GRM8: variants seen among roughly 807,000 people sequenced by gnomAD.
The protein encoded by GRM8 is glutamate metabotropic receptor 8.
Under a neutral mutation model 87.2 loss-of-function variants are expected in GRM8, and 47 were observed. The observed-to-expected ratio is 0.54, with a 90% CI of 0.43 to 0.69. The LOEUF (loss-of-function observed/expected upper bound fraction) is 0.69, where lower values mean the gene tolerates loss of function less well. GRM8 is among the 30% of genes least tolerant of loss of function. The pLI is 0.00. For missense variants in GRM8, 1,019 were observed against 1,139.2 expected, an observed-to-expected ratio of 0.89 and a Z score of 1.52; for synonymous variants, 396 against 404.5, an observed-to-expected ratio of 0.98 and a Z score of 0.25.
chr7:126,792,029 GGT>G (rs1414297568), intron 6 of GRM8, among the ~76,000 whole-genome samples: 12 of 152,142 alleles, frequency 7.9e-5, no homozygotes, highest in African/African-American at 2.9e-4. Context: ...TAAGTGATAT[GGT>G]TTCAGAGTGG....
intron 7 of GRM8, among the ~76,000 whole-genome samples, chr7:126,637,483 TTAAA>T (rs915246613): frequency 3.3e-5 from 5 of 152,002 alleles, no homozygotes; most frequent in Admixed American, 6.6e-5. Flanking sequence ...AAAAAAGAAG[TTAAA>T]TAAATAAATA....
chr7:127,219,745 G>A (rs1333365264), intron 2 of GRM8: 1 of 152,134 alleles, frequency 6.6e-6, no homozygotes, highest in African/African-American at 2.4e-5. Context: ...AGAGTCCATT[G>A]CCATGCTAGC....
chr7:126,792,680 G>A lies in GRM8; in HGVS notation c.1157-22615C>T, dbSNP rs1026654273. ...AAAATAAAGCCATTGTTTTTCCAAT[G>A]AAAGAGAAAAAGGCCTCTGTGTAGG... On this transcript the variant is annotated intron_variant, in intron 6 of 10. Coordinates refer to ENST00000339582, the MANE Select transcript of GRM8 (RefSeq NM_000845.3). 2.0e-5 allele frequency among the ~76,000 whole-genome samples: 3 copies of A among 152,152 alleles called. 1 individual carries two copies. Among genetic ancestry groups the A allele is most frequent in the African/African-American group, 7.2e-5 (3 of 41,440 alleles).
chr7:127,190,957 C>T (rs1224900363), intron 2 of GRM8, among the ~76,000 whole-genome samples: 2 of 152,032 alleles, frequency 1.3e-5, no homozygotes, highest in Non-Finnish European at 2.9e-5. Flanking sequence ...AAGCTTTGAA[C>T]GTTTATGTAA....
chr7:126,720,082 C>T (rs1207980040), intron 7 of GRM8, among the ~76,000 whole-genome samples: 1 of 151,642 alleles, frequency 6.6e-6, no homozygotes, highest in Admixed American at 6.6e-5. Flanking sequence ...TGCTTCTTAC[C>T]TTCCTTTCTT....
At position 126,859,145 on chromosome 7, in the gene GRM8, T is replaced by C. The variant is rs555430245; in HGVS notation, c.1156+43397A>G. Among the ~76,000 whole-genome samples the C allele has an allele frequency of 1.9e-4, 29 of 148,858 alleles. 1 individual carries two copies. In the South Asian group the frequency reaches 6.2e-3, roughly 32 times the overall value. On this transcript the variant is annotated intron_variant, in intron 6 of 10. Coordinates refer to ENST00000339582, the MANE Select transcript of GRM8 (RefSeq NM_000845.3). ...CACCCCCAGTCCCCTGCCCCTGTAA[T>C]TTAAAATCTCCTTGCTGGTTTGTTT...
At chr7:127,064,846 T>C (rs557760684) in intron 3 of GRM8, among the ~76,000 whole-genome samples, 254 of 152,166 alleles carry the variant, frequency 1.7e-3, no homozygotes, top group Non-Finnish European at 2.1e-3. Flanking sequence ...AGAATGGCTA[T>C]TAATAAAAAG....
At chr7:127,241,647 G>A (rs944108176) in intron 2 of GRM8, among the ~76,000 whole-genome samples, 3 of 152,168 alleles carry the variant, frequency 2.0e-5, no homozygotes, top group African/African-American at 7.2e-5. Flanking sequence ...GTGTTAGCCA[G>A]GATGGTCTCA....
chr7:126,517,042 A>C (rs1244862521), intron 9 of GRM8, among the ~76,000 whole-genome samples: 4 of 152,112 alleles, frequency 2.6e-5, no homozygotes, highest in African/African-American at 9.7e-5. Flanking sequence ...ATTTTACTTT[A>C]AATACAAAAC....
At chr7:127,096,798 AG>A (rs758379278) in intron 3 of GRM8, among the ~76,000 whole-genome samples, 2 of 152,232 alleles carry the variant, frequency 1.3e-5, no homozygotes, top group Non-Finnish European at 2.9e-5. Flanking sequence ...CTAAGAGATT[AG>A]GGTTGGATGA....
chr7:126,878,227 A>G (rs1217208323), intron 6 of GRM8, among the ~76,000 whole-genome samples: 1 of 152,232 alleles, frequency 6.6e-6, no homozygotes, highest in African/African-American at 2.4e-5. Context: ...ATGGTCATTT[A>G]CAATTCACAA....
intron 6 of GRM8, among the ~76,000 whole-genome samples, chr7:126,844,979 A>C (rs916894786): frequency 6.6e-6 from 1 of 152,102 alleles, no homozygotes; most frequent in Non-Finnish European, 1.5e-5. Flanking sequence ...GCCTATCACA[A>C]ATAGTAAGTG....
chr7:127,028,102 A>G (rs1281211256), intron 3 of GRM8, among the ~76,000 whole-genome samples: 1 of 152,140 alleles, frequency 6.6e-6, no homozygotes, highest in Non-Finnish European at 1.5e-5. Context: ...GGTTTTTGTC[A>G]TTGGTTCTGT....
At chr7:126,953,588 T>A (rs1808376058) in intron 3 of GRM8, among the ~76,000 whole-genome samples, 1 of 151,970 alleles carries the variant, frequency 6.6e-6, no homozygotes, top group Non-Finnish European at 1.5e-5. Flanking sequence ...AGAGCCAAGT[T>A]TTTTTTTCTT....
At chr7:127,163,854 C>A (rs1017529966) in intron 2 of GRM8, among the ~76,000 whole-genome samples, 1 of 152,104 alleles carries the variant, frequency 6.6e-6, no homozygotes, top group African/African-American at 2.4e-5. Context: ...TGTTTAAGCA[C>A]CCCTTTGGGA....
intron 3 of GRM8, among the ~76,000 whole-genome samples, chr7:126,927,360 C>T (rs759222413): frequency 6.6e-6 from 1 of 151,894 alleles, no homozygotes; most frequent in Non-Finnish European, 1.5e-5. Flanking sequence ...TGGTTTTGAA[C>T]TCCTGGCTTA....
At chr7:126,831,330 C>A (rs1586120635) in intron 6 of GRM8, among the ~76,000 whole-genome samples, 1 of 152,212 alleles carries the variant, frequency 6.6e-6, no homozygotes, top group African/African-American at 2.4e-5. Flanking sequence ...GGCAGGCAGG[C>A]CTCCTTGAGC....
Position 126,595,049 on chromosome 7 carries a change from C to T in GRM8, c.1494+14313G>A, listed in dbSNP as rs115441246. 4.2e-3 allele frequency among the ~76,000 whole-genome samples: 634 copies of T among 151,914 alleles called. 3 individuals are homozygous for T. The highest frequency in any genetic ancestry group is 0.012 in the African/African-American group (515 of 41,414). ...TCAACAATAAAAAGCAATGCAGCAA[C>T]TTGGATGAAATTAAAAAAAAATATG... On this transcript the variant is annotated intron_variant, in intron 8 of 10. Coordinates refer to ENST00000339582, the MANE Select transcript of GRM8 (RefSeq NM_000845.3).
At chr7:126,776,527 T>C (rs1217996998) in intron 6 of GRM8, among the ~76,000 whole-genome samples, 2 of 152,214 alleles carry the variant, frequency 1.3e-5, no homozygotes, top group East Asian at 1.9e-4. Context: ...TAACAGAGTA[T>C]AGACTTTATA....
Sources: gnomAD v4.1 joint callset for allele counts (sites outside exome capture counted in the v4.1 genomes callset) on GRCh38, gnomAD v4.1.1 for gene constraint, MANE v1.5 for transcripts, NCBI Gene and HGNC (gene_info 2026-07-23, HGNC 2026-07-21) for gene names.